Variants in SAMMSON observed in about 807,000 individuals in gnomAD.
The protein encoded by SAMMSON is long intergenic non-protein coding RNA 1212.
intron 3 of SAMMSON, among the ~76,000 whole-genome samples, chr3:70,047,387 A>C (rs1412099269): frequency 2.0e-5 from 3 of 149,134 alleles, no homozygotes; most frequent in Non-Finnish European, 4.4e-5. Context: ...CCCAGGCTGG[A>C]GTATAACAGT....
intron 4 of SAMMSON, chr3:70,125,694 A>G: frequency 2.9e-6 from 2 of 695,344 alleles, no homozygotes; most frequent in South Asian, 3.0e-5. Context: ...GGTCAAATAC[A>G]TCCGAAGGTA....
At chr3:70,422,546 T>G (rs533261654) in intron 2 of SAMMSON, among the ~76,000 whole-genome samples, 1 of 152,026 alleles carries the variant, frequency 6.6e-6, no homozygotes, top group African/African-American at 2.4e-5. Flanking sequence ...AAAATCAAAT[T>G]GTATCCACAT....
chr3:70,380,287 T>C (rs1223814193), intron 9 of SAMMSON, among the ~76,000 whole-genome samples: 1 of 152,118 alleles, frequency 6.6e-6, no homozygotes, highest in African/African-American at 2.4e-5. Flanking sequence ...AATATTTTTC[T>C]AATATTGTTA....
At chr3:70,232,422 C>A (rs1454037208) in intron 4 of SAMMSON, among the ~76,000 whole-genome samples, 1 of 149,356 alleles carries the variant, frequency 6.7e-6, no homozygotes, top group African/African-American at 2.5e-5. Context: ...TTTTTTCTTG[C>A]GATGGAGTCT....
At chr3:70,173,096 G>C (rs1239991965) in intron 4 of SAMMSON, among the ~76,000 whole-genome samples, 1 of 151,802 alleles carries the variant, frequency 6.6e-6, no homozygotes, top group East Asian at 1.9e-4. Flanking sequence ...TTGCATACTT[G>C]ACCACTAAAA....
chr3:70,009,382 T>G (rs889688934), intron 1 of SAMMSON: 2 of 152,216 alleles, frequency 1.3e-5, no homozygotes, highest in African/African-American at 4.8e-5. Context: ...GGTGTATGTG[T>G]TGAGGAATTT....
intron 4 of SAMMSON, among the ~76,000 whole-genome samples, chr3:70,077,385 A>C (rs938913716): frequency 2.0e-5 from 3 of 152,216 alleles, no homozygotes; most frequent in Non-Finnish European, 4.4e-5. Flanking sequence ...TAGATTGCAT[A>C]CATATGTGAT....
chr3:70,011,170 C>T (rs1298301902), intron 1 of SAMMSON, among the ~76,000 whole-genome samples: 3 of 152,046 alleles, frequency 2.0e-5, no homozygotes, highest in African/African-American at 7.2e-5. Flanking sequence ...TTCTGAGGTG[C>T]ATGCTATCAT....
chr3:70,003,897 C>T (rs949611029), intron 1 of SAMMSON, among the ~76,000 whole-genome samples: 1 of 151,554 alleles, frequency 6.6e-6, no homozygotes, highest in African/African-American at 2.4e-5. Flanking sequence ...TTTTAATTTG[C>T]CAGTTTGACA....
intron 4 of SAMMSON, among the ~76,000 whole-genome samples, chr3:70,154,726 T>C (rs1266168144): frequency 6.6e-6 from 1 of 152,118 alleles, no homozygotes; most frequent in Non-Finnish European, 1.5e-5. Flanking sequence ...AGGGTAGTTA[T>C]ATAAGCTGAA....
intron 4 of SAMMSON, among the ~76,000 whole-genome samples, chr3:70,220,909 G>A (rs1452007890): frequency 6.6e-6 from 1 of 152,120 alleles, no homozygotes; most frequent in Non-Finnish European, 1.5e-5. Flanking sequence ...GCATTCCTGA[G>A]CTTAGCACAG....
chr3:70,365,177 G>A (rs1179738829), intron 9 of SAMMSON, among the ~76,000 whole-genome samples: 1 of 151,606 alleles, frequency 6.6e-6, no homozygotes, highest in East Asian at 1.9e-4. Flanking sequence ...ATCATAAAAT[G>A]CTCCATGCTT....
chr3:70,344,936 C>T (rs1289694186), intron 7 of SAMMSON, among the ~76,000 whole-genome samples: 1 of 152,140 alleles, frequency 6.6e-6, no homozygotes, highest in Admixed American at 6.6e-5. Context: ...ATATAAAAAA[C>T]AAATATCTGG....
chr3:70,025,321 T>A (rs2067033085), intron 3 of SAMMSON: 1 of 152,218 alleles, frequency 6.6e-6, no homozygotes, highest in Non-Finnish European at 1.5e-5. Flanking sequence ...CTCAACTCAC[T>A]GCAACCTCTG....
chr3:70,422,186 G>A (rs1192012085), intron 2 of SAMMSON, among the ~76,000 whole-genome samples: 1 of 151,916 alleles, frequency 6.6e-6, no homozygotes, highest in African/African-American at 2.4e-5. Context: ...AATATTAAAA[G>A]AGAGGACAGA....
chr3:70,321,622 C>T (rs1250613164), intron 7 of SAMMSON, among the ~76,000 whole-genome samples: 3 of 151,680 alleles, frequency 2.0e-5, no homozygotes, highest in African/African-American at 7.3e-5. Flanking sequence ...GAAAAATTCC[C>T]AAAATAAATA....
In SAMMSON at chr3:70,421,346, T is replaced by C. The variant is rs539563927; in HGVS notation, n.234-41214T>C. ...TCATGAGTAACTTATAGATAGGCTA[T>C]AATTATTTGATAATTAATGCTCTCA... On this transcript the variant is annotated intron_variant and non_coding_transcript_variant, in intron 2 of 3. Coordinates refer to the SAMMSON transcript ENST00000641053. Among the ~76,000 whole-genome samples the C allele has an allele frequency of 2.6e-5, 4 of 152,322 alleles. No homozygotes were observed. In the South Asian group the frequency reaches 8.3e-4, roughly 32 times the overall value.
intron 6 of SAMMSON, among the ~76,000 whole-genome samples, chr3:70,252,346 G>T (rs1701777620): frequency 2.0e-5 from 3 of 152,162 alleles, no homozygotes. Context: ...CCTTTCATAG[G>T]TGTCACCCCA....
At chr3:70,239,930 G>T (rs192347076) in intron 4 of SAMMSON, among the ~76,000 whole-genome samples, 4 of 152,146 alleles carry the variant, frequency 2.6e-5, no homozygotes, top group Non-Finnish European at 5.9e-5. Context: ...CTTTGTGTGT[G>T]TGTGTGTGTT....
Sources: gnomAD v4.1 joint callset for allele counts (sites outside exome capture counted in the v4.1 genomes callset) on GRCh38, gnomAD v4.1.1 for gene constraint, MANE v1.5 for transcripts, NCBI Gene and HGNC (gene_info 2026-07-23, HGNC 2026-07-21) for gene names.